DAAM1: variants seen among roughly 807,000 people sequenced by gnomAD.
DAAM1 encodes the protein disheveled-associated activator of morphogenesis 1.
Under a neutral mutation model 130.0 loss-of-function variants are expected in DAAM1, and 52 were observed. The ratio of observed to expected loss-of-function variants is 0.40; its 90% CI spans 0.32 to 0.50. DAAM1 has a LOEUF of 0.50. DAAM1 is among the 20% of genes least tolerant of loss of function. The probability of loss-of-function intolerance (pLI) is 0.61; values close to 1 mark genes in which losing one functional copy is unlikely to be tolerated. For missense variants in DAAM1, 1,134 were observed against 1,303.8 expected (o/e 0.87, Z 2.01); for synonymous variants, 452 against 444.5 (o/e 1.02, Z -0.21).
At chr14:59,237,496 A>C (rs982744284) in intron 1 of DAAM1, among the ~76,000 whole-genome samples, 1 of 152,232 alleles carries the variant, frequency 6.6e-6, no homozygotes, top group Non-Finnish European at 1.5e-5. Flanking sequence ...AATAATTTAC[A>C]TAAGAAGTGA....
intron 11 of DAAM1, 37 bp from the exon 12 acceptor site, chr14:59,326,896 A>G: frequency 1.9e-6 from 3 of 1,611,978 alleles, no homozygotes; most frequent in Non-Finnish European, 2.5e-6. Context: ...GACCTTTTAT[A>G]TTTTTTGTAA....
At chr14:59,205,250 A>T (rs1010748152) in intron 1 of DAAM1, among the ~76,000 whole-genome samples, 1 of 152,232 alleles carries the variant, frequency 6.6e-6, no homozygotes, top group Non-Finnish European at 1.5e-5. Context: ...AAACTATGTG[A>T]TAAACAGTGT....
At position 59,324,139 on chromosome 14, in the gene DAAM1, C is replaced by T. The variant is rs199594208; in HGVS notation, c.786C>T (p.Asn262=). The change falls in exon 7 of 25, where the codon AAC becomes AAT. Residue 262 remains asparagine (N), a synonymous_variant. Transcript: ENST00000360909. ...TCTATTTTTGATAGACATTAATTAA[C>T]GACTTGGATAAAAGCACTGGGCGGT... ...SERTRFQTLI[N]DLDKSTGRYR... is the part of the protein sequence containing the mutation. The T allele has an allele frequency of 7.9e-5, 111 of 1,399,484 alleles. 1 individual carries two copies. The South Asian group carries it at 1.6e-3, about 20-fold the overall frequency. The allele number at this position is 1,399,484 out of a possible 1,614,324, so 86.7% of individuals were successfully genotyped here. A position where few individuals can be genotyped will look rare whatever the true frequency, so the allele number is the denominator to read the frequency against.
At chr14:59,240,914 C>G (rs1330773471) in intron 1 of DAAM1, among the ~76,000 whole-genome samples, 1 of 152,198 alleles carries the variant, frequency 6.6e-6, no homozygotes, top group South Asian at 2.1e-4. Flanking sequence ...GACTAGTTCC[C>G]ATAGGTATGC....
chr14:59,258,789 T>G (rs1882027186), intron 1 of DAAM1, among the ~76,000 whole-genome samples: 1 of 152,214 alleles, frequency 6.6e-6, no homozygotes, highest in Admixed American at 6.5e-5. Context: ...ATAAAGGACC[T>G]TGTATTTGGG....
At chr14:59,338,650 C>G (rs114607730) in intron 15 of DAAM1, among the ~76,000 whole-genome samples, 204 of 151,916 alleles carry the variant, frequency 1.3e-3, no homozygotes, top group African/African-American at 4.8e-3. Flanking sequence ...AGTATAAATT[C>G]CATATTGCCT....
At chr14:59,259,623 A>T (rs188878872) in intron 1 of DAAM1, among the ~76,000 whole-genome samples, 1 of 152,302 alleles carries the variant, frequency 6.6e-6, no homozygotes, top group African/African-American at 2.4e-5. Context: ...TCTGAGTGGG[A>T]TGTGGTCCCT....
chr14:59,248,410 G>C (rs1477533930), intron 1 of DAAM1, among the ~76,000 whole-genome samples: 2 of 152,142 alleles, frequency 1.3e-5, no homozygotes, highest in African/African-American at 2.4e-5. Context: ...TTAAAATTCA[G>C]TAAAGATCTT....
chr14:59,243,844 A>T (rs1377749183), intron 1 of DAAM1, among the ~76,000 whole-genome samples: 3 of 152,200 alleles, frequency 2.0e-5, no homozygotes, highest in Admixed American at 6.5e-5. Context: ...GGAAGTGGAA[A>T]TCTGGCATCT....
At chr14:59,277,990 A>G (rs1883045371) in intron 2 of DAAM1, among the ~76,000 whole-genome samples, 1 of 152,134 alleles carries the variant, frequency 6.6e-6, no homozygotes, top group Non-Finnish European at 1.5e-5. Flanking sequence ...TTTTTTTCCT[A>G]TACATATATA....
intron 4 of DAAM1, among the ~76,000 whole-genome samples, chr14:59,318,267 G>T (rs372154152): frequency 2.6e-5 from 4 of 151,712 alleles, no homozygotes; most frequent in African/African-American, 9.7e-5. Flanking sequence ...CCAAAGAAAC[G>T]ATTCAAACGG....
chr14:59,249,628 TTCATTC>T (rs1319335945), intron 1 of DAAM1, among the ~76,000 whole-genome samples: 50 of 152,328 alleles, frequency 3.3e-4, no homozygotes, highest in African/African-American at 1.1e-3. Context: ...AAATCATAAC[TTCATTC>T]TCATTCTCAA....
chr14:59,217,603 G>A (rs1013515346), intron 1 of DAAM1, among the ~76,000 whole-genome samples: 2 of 151,890 alleles, frequency 1.3e-5, no homozygotes, highest in Non-Finnish European at 2.9e-5. Context: ...TTGGGAGGCC[G>A]AGGAAGGAGG....
intron 1 of DAAM1, among the ~76,000 whole-genome samples, chr14:59,261,180 C>T (rs754491655): frequency 7.2e-5 from 11 of 152,154 alleles, no homozygotes; most frequent in Non-Finnish European, 1.0e-4. Context: ...TTGTACTGTT[C>T]CCTCTGCCTA....
intron 16 of DAAM1, among the ~76,000 whole-genome samples, chr14:59,342,236 G>A (rs1174610120): frequency 2.6e-5 from 4 of 152,190 alleles, no homozygotes; most frequent in Non-Finnish European, 5.9e-5. Context: ...AAAAGTGTGT[G>A]TGACAAAGTA....
At chr14:59,341,604 CAAAA>C (rs910820653) in intron 16 of DAAM1, among the ~76,000 whole-genome samples, 1 of 151,844 alleles carries the variant, frequency 6.6e-6, no homozygotes, top group Non-Finnish European at 1.5e-5. Flanking sequence ...TATGTATAGA[CAAAA>C]AAAACATAGT....
At chr14:59,367,270 G>A (rs1164295135) in intron 23 of DAAM1, among the ~76,000 whole-genome samples, 159 bp from the exon 24 acceptor site, 2 of 152,068 alleles carry the variant, frequency 1.3e-5, no homozygotes, top group South Asian at 2.1e-4. Context: ...CCTGGGTGAT[G>A]GCGAAACTCC....
At chr14:59,354,673 GAAGA>G (rs1463097573) in intron 19 of DAAM1, among the ~76,000 whole-genome samples, 2 of 152,218 alleles carry the variant, frequency 1.3e-5, no homozygotes, top group African/African-American at 2.4e-5. Flanking sequence ...CAAGGCAACT[GAAGA>G]GCACAGCCAC....
chr14:59,197,156 G>C (rs1003866080), intron 1 of DAAM1, among the ~76,000 whole-genome samples: 2 of 152,198 alleles, frequency 1.3e-5, no homozygotes, highest in African/African-American at 4.8e-5. Flanking sequence ...TCCTGACCTC[G>C]TGATCCGCCC....
Sources: gnomAD v4.1 joint callset for allele counts (sites outside exome capture counted in the v4.1 genomes callset) on GRCh38, gnomAD v4.1.1 for gene constraint, MANE v1.5 for transcripts, NCBI Gene and HGNC (gene_info 2026-07-23, HGNC 2026-07-21) for gene names.